The following FAM131B variants were observed in gnomAD, a reference collection of about 807,000 sequenced individuals.
The protein encoded by FAM131B is family with sequence similarity 131 member B.
Under a neutral mutation model 42.0 loss-of-function variants are expected in FAM131B, and 19 were observed. That is an observed-to-expected ratio of 0.45 (90% CI 0.32 to 0.66). The LOEUF (loss-of-function observed/expected upper bound fraction) is 0.66. Ranked by LOEUF, FAM131B falls within the 30% of genes least tolerant of loss-of-function variation. The pLI is 0.05. For missense variants in FAM131B, 370 were observed against 468.4 expected, an observed-to-expected ratio of 0.79 and a Z score of 1.94; for synonymous variants, 183 against 177.6, an observed-to-expected ratio of 1.03 and a Z score of -0.24.
the FAM131B span, chr7:143,380,784 C>T: frequency 1.0e-6 from 1 of 985,128 alleles, no homozygotes; most frequent in Non-Finnish European, 1.2e-6. This position sits in a 1 kb window ranked among gnomAD's most constrained non-coding sequence, Gnocchi z 5.0. Context: ...ACCCCCCATC[C>T]CCGTGCACCC....
At chr7:143,380,232 T>TA in the FAM131B span, 386,049 of 938,408 alleles carry the variant, frequency 0.41, 18,974 homozygotes, top group Non-Finnish European at 0.43. This position sits in a 1 kb window ranked among gnomAD's most constrained non-coding sequence, Gnocchi z 5.0. Flanking sequence ...CCAGTGCAAT[T>TA]AAAAAAAAAA....
upstream of FAM131B, among the ~76,000 whole-genome samples, chr7:143,365,212 G>A (rs972986036): frequency 6.6e-6 from 1 of 152,214 alleles, no homozygotes; most frequent in African/African-American, 2.4e-5. Context: ...AGCTCAGGGA[G>A]GGGGATGAGA....
Position 143,359,677 on chromosome 7 carries a change from A to AGAT in FAM131B, c.174+52_174+54dup. 1 of 1,491,938 alleles carries AGAT rather than the reference A, an allele frequency of 6.7e-7. No homozygotes were observed. Among genetic ancestry groups the AGAT allele is most frequent in the Non-Finnish European group, 9.2e-7 (1 of 1,090,968 alleles). 92.4% of individuals were successfully genotyped at this position (1,491,938 alleles called of 1,614,324 possible). A position where few individuals can be genotyped will look rare whatever the true frequency, so the allele number is the denominator to read the frequency against. On this transcript the variant is annotated intron_variant, in intron 3 of 6. Coordinates refer to ENST00000443739, the MANE Select transcript of FAM131B (RefSeq NM_001031690.3). This position sits in a 1 kb window ranked among gnomAD's most constrained non-coding sequence, Gnocchi z 5.4. ...TGCTGGTTGGAAGGTGCAAGGGAGA[A>AGAT]GATGAGGAGGAGGAGTTCGGGAGGA...
Position 143,359,693 on chromosome 7 carries a change from T to TTCATCC in FAM131B, c.174+38_174+39insGGATGA. On this transcript the variant is annotated intron_variant, in intron 3 of 6. Coordinates refer to ENST00000443739, the MANE Select transcript of FAM131B (RefSeq NM_001031690.3). The surrounding 1 kb of genome is among the most constrained non-coding windows in gnomAD (Gnocchi z 5.4). ...CAAGGGAGAAGATGAGGAGGAGGAG[T>TTCATCC]TCGGGAGGATGGGGAGGTCTGGGGG... 6.5e-7 allele frequency: 1 copy of TTCATCC among 1,547,474 alleles called. No individual in the cohort carries two copies. The highest frequency in any genetic ancestry group is 8.8e-7 in the Non-Finnish European group (1 of 1,140,880).
At chr7:143,372,359 T>C in the FAM131B span, among the ~76,000 whole-genome samples, 1 of 152,192 alleles carries the variant, frequency 6.6e-6, no homozygotes, top group Admixed American at 6.5e-5. Flanking sequence ...GTAATGATTG[T>C]CCAGGAAATG....
the FAM131B span, among the ~76,000 whole-genome samples, chr7:143,377,538 G>A: frequency 6.2e-4 from 95 of 152,178 alleles, no homozygotes; most frequent in African/African-American, 2.2e-3. Context: ...GCAAGGATGG[G>A]GCAGGAGAGT....
the FAM131B span, chr7:143,381,518 G>C: frequency 1.9e-6 from 3 of 1,567,518 alleles, no homozygotes; most frequent in Non-Finnish European, 2.6e-6. Flanking sequence ...GGGCTCCTGA[G>C]CCCGGCTCCG....
At position 143,353,459 on chromosome 7, in the gene FAM131B, T is replaced by A. The variant is rs1025758991; in HGVS notation, c.*3091A>T. 3 of 151,824 alleles carry A rather than the reference T, an allele frequency of 2.0e-5. No individual in the cohort carries two copies. The highest frequency in any genetic ancestry group is 7.3e-5 in the African/African-American group (3 of 41,280). 9.4% of individuals were successfully genotyped at this position (151,824 alleles called of 1,614,324 possible). On this transcript the variant is annotated 3_prime_UTR_variant, in exon 7 of 7. Transcript: ENST00000443739. ...GCCTGTAGCCTTCTCCAGCATCACA[T>A]CCCTCCCACTTCCCCAGGCCAAGAG...
At chr7:143,366,913 G>A (rs772298248), upstream of FAM131B, among the ~76,000 whole-genome samples, 1 of 152,136 alleles carries the variant, frequency 6.6e-6, no homozygotes, top group African/African-American at 2.4e-5. Context: ...GTCAACAGGA[G>A]GACCAAGAGT....
chr7:143,356,326 G>A lies in FAM131B; in HGVS notation c.*224C>T, dbSNP rs1803650877. The A allele has an allele frequency of 3.6e-6, 2 of 550,908 alleles. No homozygotes were observed. The highest frequency in any genetic ancestry group is 3.2e-6 in the Non-Finnish European group (1 of 308,554). 34.1% of individuals were successfully genotyped at this position (550,908 alleles called of 1,614,324 possible). A position where few individuals can be genotyped will look rare whatever the true frequency, so the allele number is the denominator to read the frequency against. On this transcript the variant is annotated 3_prime_UTR_variant, in exon 7 of 7. Transcript: ENST00000443739. The surrounding 1 kb of genome is among the most constrained non-coding windows in gnomAD (Gnocchi z 4.4). Reference sequence around the variant, plus strand: ...TCTCCACAGCCACACCAAGCTCACGGCCATCTAGTTGCCCAGGTCTCAGTT... The same window carrying A: ...TCTCCACAGCCACACCAAGCTCACGACCATCTAGTTGCCCAGGTCTCAGTT...
chr7:143,368,317 C>T, the FAM131B span, among the ~76,000 whole-genome samples: 1 of 152,216 alleles, frequency 6.6e-6, no homozygotes, highest in Non-Finnish European at 1.5e-5. Context: ...TCCCAGAGCA[C>T]TGACAAAGAG....
chr7:143,376,945 C>T, the FAM131B span, among the ~76,000 whole-genome samples: 1 of 152,214 alleles, frequency 6.6e-6, no homozygotes, highest in Non-Finnish European at 1.5e-5. Context: ...TACTCCCTAA[C>T]ATTAACTACT....
the FAM131B span, among the ~76,000 whole-genome samples, chr7:143,379,061 G>A: frequency 6.6e-5 from 10 of 152,214 alleles, no homozygotes; most frequent in Non-Finnish European, 7.3e-5. Context: ...GCCTGCCTAC[G>A]CACTCTTCTA....
Position 143,362,510 on chromosome 7 carries a change from TG to T in FAM131B, c.28+65del. 1 of 533,182 alleles carries T rather than the reference TG, an allele frequency of 1.9e-6. No homozygotes were observed. The highest frequency in any genetic ancestry group is 2.5e-6 in the Non-Finnish European group (1 of 403,576). 33.0% of individuals were successfully genotyped at this position (533,182 alleles called of 1,614,324 possible). ...GCGCCCGGAGGCGCGAGGAGAGGGA[TG>T]GGGGAGGGGGTCGGAGGGCGGCCCG... is the stretch of plus-strand genomic sequence containing the variant. On this transcript the variant is annotated intron_variant, in intron 1 of 6. Coordinates refer to ENST00000443739, the MANE Select transcript of FAM131B (RefSeq NM_001031690.3). This position sits in a 1 kb window ranked among gnomAD's most constrained non-coding sequence, Gnocchi z 7.7.
At chr7:143,377,753 AC>A in the FAM131B span, among the ~76,000 whole-genome samples, 1 of 152,136 alleles carries the variant, frequency 6.6e-6, no homozygotes, top group Non-Finnish European at 1.5e-5. Flanking sequence ...TCGATCTGTC[AC>A]CCAGGCTGGT....
chr7:143,361,736 T>G (rs917211905), intron 1 of FAM131B: 3 of 151,464 alleles, frequency 2.0e-5, no homozygotes, highest in Admixed American at 6.6e-5. Context: ...AGGGAGAAGA[T>G]GGATTAGGAG....
chr7:143,371,315 G>C, the FAM131B span, among the ~76,000 whole-genome samples: 1 of 152,174 alleles, frequency 6.6e-6, no homozygotes, highest in South Asian at 2.1e-4. Flanking sequence ...TTACTATGAA[G>C]AAAAATTAAG....
At position 143,358,316 on chromosome 7, in the gene FAM131B, C is replaced by T. The variant is rs1006957050; in HGVS notation, c.466+511G>A. ...TACAGCTTGGCCACTCTTGTAGGCACACTGCATGCCTGTTATCAGACCTAC... is the reference window on the plus strand; with the variant it reads ...TACAGCTTGGCCACTCTTGTAGGCATACTGCATGCCTGTTATCAGACCTAC... On this transcript the variant is annotated intron_variant, in intron 5 of 6. Coordinates refer to ENST00000443739, the MANE Select transcript of FAM131B (RefSeq NM_001031690.3). The surrounding 1 kb of genome is among the most constrained non-coding windows in gnomAD (Gnocchi z 4.7). 1.3e-5 allele frequency among the ~76,000 whole-genome samples: 2 copies of T among 151,876 alleles called. No homozygotes were observed. Among genetic ancestry groups the T allele is most frequent in the African/African-American group, 4.8e-5 (2 of 41,282 alleles).
In FAM131B at chr7:143,356,635, G is replaced by A. The variant is rs756511852; in HGVS notation, c.998C>T (p.Ser333Phe). 1 of 1,614,088 alleles carries A rather than the reference G, an allele frequency of 6.2e-7. No individual in the cohort carries two copies. The highest frequency in any genetic ancestry group is 1.3e-5 in the African/African-American group (1 of 75,012). Residue 333 changes from serine to phenylalanine, a missense_variant, in exon 7 of 7, where the codon TCT becomes TTT. Coordinates refer to ENST00000443739, the MANE Select transcript of FAM131B (RefSeq NM_001031690.3). The surrounding 1 kb of genome is among the most constrained non-coding windows in gnomAD (Gnocchi z 4.4). The stretch of plus-strand genomic sequence containing the variant: ...AGACACCTTCCGGCTGAGAGCGGTA[G>A]ACATCTCAGGGTCTTCTCGTGGGGA... ...SLSPREDPEM[S>F]TALSRKVSDV...
Sources: allele counts gnomAD v4.1 joint callset (sites outside exome capture counted in the v4.1 genomes callset), GRCh38; gene constraint gnomAD v4.1.1; non-coding constraint Gnocchi (gnomAD v3.1); transcripts MANE v1.5; gene names NCBI Gene and HGNC (gene_info 2026-07-23, HGNC 2026-07-21).